The following SLC35E2B variants were observed in gnomAD, a reference collection of about 807,000 sequenced individuals.
The protein encoded by SLC35E2B is solute carrier family 35, member E2B.
A neutral mutation model predicts 32.4 loss-of-function variants in SLC35E2B; 18 were observed. That is an observed-to-expected ratio of 0.56 (90% CI 0.38 to 0.82). The LOEUF (loss-of-function observed/expected upper bound fraction) is 0.82. SLC35E2B is among the 40% of genes least tolerant of loss of function. The pLI is 0.00. For missense variants in SLC35E2B, 263 were observed against 469.5 expected (o/e 0.56, Z 4.06); for synonymous variants, 132 against 209.1 (o/e 0.63, Z 3.18).
chr1:1,688,683 G>A (rs1425456801), intron 2 of SLC35E2B, among the ~76,000 whole-genome samples: 1 of 151,484 alleles, frequency 6.6e-6, no homozygotes, highest in Non-Finnish European at 1.5e-5. Context: ...ATCACAGAGG[G>A]AAAGCTATGC....
At chr1:1,670,406 G>A (rs1643657303) in intron 6 of SLC35E2B, 3 of 358,924 alleles carry the variant, frequency 8.4e-6, no homozygotes, top group Non-Finnish European at 1.5e-5. Context: ...ACAAGTGTGA[G>A]CCACCACGCC....
Position 1,664,315 on chromosome 1 carries a change from G to A in SLC35E2B, c.*1467C>T, listed in dbSNP as rs1330083759. 2 of 914,788 alleles carry A rather than the reference G, an allele frequency of 2.2e-6. No homozygotes were observed. Among genetic ancestry groups the A allele is most frequent in the Non-Finnish European group, 2.6e-6 (2 of 765,114 alleles). 56.7% of individuals were successfully genotyped at this position (914,788 alleles called of 1,614,324 possible). A position where few individuals can be genotyped will look rare whatever the true frequency, so the allele number is the denominator to read the frequency against. On this transcript the variant is annotated 3_prime_UTR_variant, in exon 10 of 10. Coordinates refer to ENST00000617444, the MANE Select transcript of SLC35E2B (RefSeq NM_001290264.2). ...TGTTTCTGAATGATTTTATCTTCAG[G>A]AGGGGCTATTTTTGTATTTCCCAGG... is the stretch of plus-strand genomic sequence containing the variant.
At position 1,663,894 on chromosome 1, in the gene SLC35E2B, T is replaced by C. The variant is rs1643472121; in HGVS notation, c.*1888A>G. 1.2e-6 allele frequency: 1 copy of C among 824,078 alleles called. No homozygotes were observed. The allele number at this position is 824,078 out of a possible 1,614,324, so 51.0% of individuals were successfully genotyped here. ...GTCCTCCACACACAGGTCAGCGGTT[T>C]TATAGAAGCGGCTGAAGCAGGTGTA... On this transcript the variant is annotated 3_prime_UTR_variant, in exon 10 of 10. Transcript: ENST00000617444.
intron 2 of SLC35E2B, among the ~76,000 whole-genome samples, chr1:1,681,805 G>A (rs1643901710): frequency 6.7e-6 from 1 of 150,254 alleles, no homozygotes; most frequent in African/African-American, 2.4e-5. Flanking sequence ...CTAACACTGT[G>A]AAATTCTGTC....
intron 2 of SLC35E2B, among the ~76,000 whole-genome samples, chr1:1,690,481 G>C (rs1403548973): frequency 6.8e-6 from 1 of 146,016 alleles, no homozygotes. Context: ...GCTCATGCTT[G>C]TAATCCCAGC....
chr1:1,671,593 C>T lies in SLC35E2B; in HGVS notation c.623G>A (p.Gly208Asp). 7 of 1,548,600 alleles carry T rather than the reference C, an allele frequency of 4.5e-6. No individual in the cohort carries two copies. The highest frequency in any genetic ancestry group is 5.2e-6 in the Non-Finnish European group (6 of 1,145,686). ...LVNLSLIPVMGGLALCTATEI... is the reference protein window; with the variant it reads ...LVNLSLIPVMDGLALCTATEI... ...AGTGGCCGTGCACAGCGCCAGCCCG[C>T]CCATGACTGGGATGAGGGAGAGGTT... The change falls in exon 6 of 10, where the codon GGC becomes GAC. Residue 208 changes from glycine to aspartate, a missense_variant. Gly to Asp is a moderately conservative substitution (Grantham distance 94). Transcript: ENST00000617444.
intron 5 of SLC35E2B, among the ~76,000 whole-genome samples, chr1:1,673,617 C>G (rs1018506383): frequency 5.9e-5 from 9 of 151,962 alleles, no homozygotes; most frequent in African/African-American, 2.2e-4. Context: ...CTGCAGTGAG[C>G]CAAGATTGCG....
chr1:1,665,561 C>T lies in SLC35E2B; in HGVS notation c.*221G>A. 1.5e-6 allele frequency: 1 copy of T among 682,550 alleles called. No homozygotes were observed. Among genetic ancestry groups the T allele is most frequent in the African/African-American group, 1.8e-5 (1 of 55,574 alleles). 42.3% of individuals were successfully genotyped at this position (682,550 alleles called of 1,614,324 possible). On this transcript the variant is annotated 3_prime_UTR_variant, in exon 10 of 10. Coordinates refer to ENST00000617444, the MANE Select transcript of SLC35E2B (RefSeq NM_001290264.2). ...TACACGGGGATGGGCTCGGCGGACA[C>T]AGTCAGCTACTGGTCTGGTCTCTAC...
At position 1,665,624 on chromosome 1, in the gene SLC35E2B, T is replaced by C; in HGVS notation, c.*158A>G. 2 of 1,187,704 alleles carry C rather than the reference T, an allele frequency of 1.7e-6. No homozygotes were observed. The highest frequency in any genetic ancestry group is 1.1e-6 in the Non-Finnish European group (1 of 872,944). 73.6% of individuals were successfully genotyped at this position (1,187,704 alleles called of 1,614,324 possible). On this transcript the variant is annotated 3_prime_UTR_variant, in exon 10 of 10. Coordinates refer to ENST00000617444, the MANE Select transcript of SLC35E2B (RefSeq NM_001290264.2). ...ATACCTGGAATCCCCAGTTTGAGTT[T>C]CTGCTGGTCTTCACCGACAAACCGA...
At chr1:1,680,220 G>A (rs1331794870) in intron 2 of SLC35E2B, among the ~76,000 whole-genome samples, 2 of 151,912 alleles carry the variant, frequency 1.3e-5, no homozygotes, top group African/African-American at 4.8e-5. Flanking sequence ...AGGATTGCTT[G>A]AACAAGAGAG....
intron 2 of SLC35E2B, among the ~76,000 whole-genome samples, chr1:1,686,448 A>T (rs1643952210): frequency 6.6e-6 from 1 of 151,624 alleles, no homozygotes; most frequent in South Asian, 2.1e-4. Flanking sequence ...CACGAAAGGA[A>T]GTCCTTCAGG....
intron 2 of SLC35E2B, among the ~76,000 whole-genome samples, chr1:1,684,707 G>A (rs1018075951): frequency 1.4e-5 from 2 of 143,358 alleles, no homozygotes; most frequent in African/African-American, 2.6e-5. Flanking sequence ...GAAGAATGGC[G>A]TGAACCTGGG....
At position 1,679,946 on chromosome 1, in the gene SLC35E2B, C is replaced by T. The variant is rs910960990; in HGVS notation, c.-147-3100G>A. Among the ~76,000 whole-genome samples, 6 of 151,472 alleles carry T rather than the reference C, an allele frequency of 4.0e-5. No homozygotes were observed. In the East Asian group the frequency reaches 7.8e-4, roughly 20 times the overall value. On this transcript the variant is annotated intron_variant, in intron 2 of 9. Coordinates refer to ENST00000617444, the MANE Select transcript of SLC35E2B (RefSeq NM_001290264.2). ...AGGAGTTCAAGACCAGCCTGACCAA[C>T]GTGGAGAAACCCCGTCTCTACTAAA...
In SLC35E2B at chr1:1,690,280, C is replaced by CA. The variant is rs751562734; in HGVS notation, c.-148+695dup. The stretch of plus-strand genomic sequence containing the variant: ...GGGCAATAAGAACAAAACTCTGTCT[C>CA]AAAAAAAAAAAAAAGAAACAAAAAA... On this transcript the variant is annotated intron_variant, in intron 2 of 9. Transcript: ENST00000617444. Among the ~76,000 whole-genome samples the CA allele has an allele frequency of 7.6e-3, 395 of 51,862 alleles. 10 individuals carry two copies. The highest frequency in any genetic ancestry group is 0.038 in the South Asian group (71 of 1,846). The allele number at this position is 51,862 out of a possible 152,430, so 34.0% of individuals were successfully genotyped here. A position where few individuals can be genotyped will look rare whatever the true frequency, so the allele number is the denominator to read the frequency against.
intron 2 of SLC35E2B, among the ~76,000 whole-genome samples, chr1:1,679,692 T>C (rs572014215): frequency 2.9e-4 from 42 of 146,250 alleles, no homozygotes; most frequent in African/African-American, 6.6e-4. Context: ...ATCAGCCGGG[T>C]GTGGTGGCTG....
intron 6 of SLC35E2B, chr1:1,670,808 G>A (rs1643668180): frequency 2.0e-5 from 3 of 152,220 alleles, no homozygotes; most frequent in African/African-American, 7.2e-5. Context: ...TCAGACACCA[G>A]TGGTGGTGTC....
chr1:1,667,856 GTT>G (rs111818712), intron 9 of SLC35E2B, among the ~76,000 whole-genome samples: 1 of 144,302 alleles, frequency 6.9e-6, no homozygotes. Context: ...TTGTTTTTCT[GTT>G]TTTTTTTTTT....
At chr1:1,670,036 C>G (rs752936487) in intron 7 of SLC35E2B, 62 bp downstream of exon 7, 5 of 1,410,904 alleles carry the variant, frequency 3.5e-6, no homozygotes, top group Admixed American at 2.0e-5. Context: ...CTGACTCTTA[C>G]AGTGAGCAGG....
chr1:1,670,347 C>T (rs1643655674), intron 6 of SLC35E2B, 196 bp from the exon 7 acceptor site: 3 of 526,824 alleles, frequency 5.7e-6, no homozygotes, highest in South Asian at 2.2e-5. Flanking sequence ...GTCTCCAACT[C>T]CTGACCTCAA....
Sources: allele counts gnomAD v4.1 joint callset (sites outside exome capture counted in the v4.1 genomes callset), GRCh38; gene constraint gnomAD v4.1.1; transcripts MANE v1.5; gene names NCBI Gene and HGNC (gene_info 2026-07-23, HGNC 2026-07-21).